PLXNA2: variants seen among roughly 807,000 people sequenced by gnomAD.
The protein encoded by PLXNA2 is plexin-A2.
Under a neutral mutation model 193.5 loss-of-function variants are expected in PLXNA2, and 91 were observed. The observed-to-expected ratio is 0.47, with a 90% CI of 0.40 to 0.56. The LOEUF is 0.56. PLXNA2 is among the 20% of genes least tolerant of loss of function. PLXNA2 has a pLI of 0.00. For synonymous variants in PLXNA2, 997 were observed against 1,027.3 expected (o/e 0.97, Z 0.56); for missense variants, 1,995 against 2,503.2 (o/e 0.80, Z 4.33).
chr1:208,198,825 G>C (rs916138463), intron 3 of PLXNA2, among the ~76,000 whole-genome samples: 5 of 152,204 alleles, frequency 3.3e-5, no homozygotes, highest in Non-Finnish European at 7.3e-5. Flanking sequence ...CACAGGTCTG[G>C]AGTCAGAGAG....
intron 1 of PLXNA2, among the ~76,000 whole-genome samples, chr1:208,218,322 C>A (rs1442782778): frequency 6.6e-6 from 1 of 152,266 alleles, no homozygotes; most frequent in South Asian, 2.1e-4. Context: ...GTTCACCCAG[C>A]CAGTCAATTT....
At chr1:208,062,372 A>G (rs1665646626) in intron 12 of PLXNA2, among the ~76,000 whole-genome samples, 1 of 152,168 alleles carries the variant, frequency 6.6e-6, no homozygotes, top group South Asian at 2.1e-4. Context: ...TGTGCTGCCA[A>G]TTCAGCCACC....
At chr1:208,098,260 G>A (rs1030636080) in intron 6 of PLXNA2, among the ~76,000 whole-genome samples, 2 of 152,136 alleles carry the variant, frequency 1.3e-5, no homozygotes, top group African/African-American at 4.8e-5. Context: ...ATTAACATTC[G>A]TGAATGCTCA....
In PLXNA2 at chr1:208,052,441, T is replaced by G; in HGVS notation, c.2879A>C (p.Asn960Thr). The stretch of plus-strand genomic sequence containing the variant: ...TCCTGACTCGGGACCTCGGATTGGG[T>G]TGAGTGACAGCACAGAAGGGTTCTT... ...TFVNPSVLSLNPIRGPESGGT... is the reference protein window; with the variant it reads ...TFVNPSVLSLTPIRGPESGGT... Residue 960 changes from asparagine (N) to threonine (T), a missense_variant, in exon 15 of 32, where the codon AAC (asparagine) becomes ACC (threonine). Physicochemically the swap from Asn to Thr is moderately conservative, Grantham distance 65. Around this residue, in one of 3 missense-constraint regions of PLXNA2, gnomAD observed 1,291 missense variants for 1,673.6 expected, o/e 0.77. Transcript: ENST00000367033. The G allele has an allele frequency of 1.2e-6, 2 of 1,614,018 alleles. No individual in the cohort carries two copies. The highest frequency in any genetic ancestry group is 1.7e-6 in the Non-Finnish European group (2 of 1,179,964).
Position 208,031,767 on chromosome 1 carries a change from AG to A in PLXNA2, c.5056-9del, listed in dbSNP as rs1664510856. The stretch of plus-strand genomic sequence containing the variant: ...AAACTTCTGCAGGGTGCCCTGGAGG[AG>A]GGGTGGGGGAGAGTAAGATGGAGGG... On this transcript the variant is annotated splice_polypyrimidine_tract_variant and intron_variant, in intron 28 of 31. Transcript: ENST00000367033. The A allele has an allele frequency of 7.7e-6, 12 of 1,567,674 alleles. No individual in the cohort carries two copies. Among genetic ancestry groups the A allele is most frequent in the Non-Finnish European group, 1.0e-5 (12 of 1,149,990 alleles).
intron 3 of PLXNA2, among the ~76,000 whole-genome samples, chr1:208,164,988 G>A (rs1275621591): frequency 6.6e-6 from 1 of 152,226 alleles, no homozygotes; most frequent in African/African-American, 2.4e-5. Flanking sequence ...CGGGAAGTCA[G>A]GGACGGAACC....
chr1:208,046,121 A>G lies in PLXNA2; in HGVS notation c.3256-4T>C, dbSNP rs1239049523. 6.2e-7 allele frequency: 1 copy of G among 1,612,472 alleles called. No homozygotes were observed. Among genetic ancestry groups the G allele is most frequent in the South Asian group, 1.1e-5 (1 of 90,986 alleles). ...TTGTGTTCACAACTTTACACACCTA[A>G]GAGATCCAGAGCGCAGCATTCACAC... On this transcript the variant is annotated splice_polypyrimidine_tract_variant and splice_region_variant and intron_variant, in intron 17 of 31. Coordinates refer to ENST00000367033, the MANE Select transcript of PLXNA2 (RefSeq NM_025179.4).
chr1:208,227,934 C>T (rs549368081), intron 1 of PLXNA2, among the ~76,000 whole-genome samples: 9 of 152,138 alleles, frequency 5.9e-5, no homozygotes, highest in Non-Finnish European at 1.3e-4. Context: ...TGCCATTAAA[C>T]ATAATGTTTT....
intron 12 of PLXNA2, among the ~76,000 whole-genome samples, chr1:208,065,738 A>G (rs955835778): frequency 3.9e-5 from 6 of 152,264 alleles, no homozygotes; most frequent in African/African-American, 1.4e-4. Flanking sequence ...TTGGGCAGGG[A>G]GTAGTGATGC....
chr1:208,092,590 C>T (rs780839158), intron 9 of PLXNA2, among the ~76,000 whole-genome samples, 196 bp downstream of exon 9: 11 of 152,226 alleles, frequency 7.2e-5, no homozygotes, highest in Admixed American at 6.5e-5. Context: ...GACATAGCCT[C>T]TGCCTCTGGG....
chr1:208,095,910 G>GGGGA (rs1463064384), intron 8 of PLXNA2, 119 bp downstream of exon 8: 1 of 762,502 alleles, frequency 1.3e-6, no homozygotes, highest in African/African-American at 1.7e-5. Context: ...CAGGCCCCAT[G>GGGGA]GGGAAACTGT....
At chr1:208,043,006 G>A (rs1205728132) in intron 21 of PLXNA2, 55 bp downstream of exon 21, 2 of 1,589,812 alleles carry the variant, frequency 1.3e-6, no homozygotes, top group African/African-American at 1.3e-5. Context: ...GATTTCCTAG[G>A]ATACCCTGGG....
Position 208,217,406 on chromosome 1 carries a change from C to A in PLXNA2, c.517G>T (p.Val173Leu), listed in dbSNP as rs1481572425. ...NKTGTMYGVI[V>L]RSEGEDGKLF... is the part of the protein sequence containing the mutation. The stretch of plus-strand genomic sequence containing the variant: ...TTGCCATCCTCACCCTCAGAGCGCA[C>A]AATCACCCCGTACATGGTGCCCGTC... The change falls in exon 2 of 32, where the codon GTG becomes TTG. Residue 173 changes from valine (V) to leucine (L), a missense_variant. Val to Leu is a conservative substitution (Grantham distance 32). This residue lies in a region of PLXNA2 where 702 missense variants were observed against 812.9 expected (regional missense o/e 0.86). Transcript: ENST00000367033. The surrounding 1 kb of genome is among the most constrained non-coding windows in gnomAD (Gnocchi z 4.7). 6.2e-7 allele frequency: 1 copy of A among 1,614,152 alleles called. No individual in the cohort carries two copies. Among genetic ancestry groups the A allele is most frequent in the South Asian group, 1.1e-5 (1 of 91,090 alleles).
At chr1:208,239,828 C>T (rs1001173572) in intron 1 of PLXNA2, among the ~76,000 whole-genome samples, 2 of 152,122 alleles carry the variant, frequency 1.3e-5, no homozygotes, top group African/African-American at 4.8e-5. Flanking sequence ...ACTGGCAGTG[C>T]GTGGGAAGAG....
chr1:208,226,359 C>G (rs1469814223), intron 1 of PLXNA2, among the ~76,000 whole-genome samples: 1 of 151,712 alleles, frequency 6.6e-6, no homozygotes, highest in African/African-American at 2.4e-5. Flanking sequence ...TTTTTTTTTC[C>G]CAGGTCTCCC....
intron 12 of PLXNA2, among the ~76,000 whole-genome samples, chr1:208,071,692 C>G (rs975023913): frequency 1.3e-5 from 2 of 152,262 alleles, no homozygotes; most frequent in African/African-American, 4.8e-5. Flanking sequence ...GTTATCTCAG[C>G]AGAGTAACTC....
intron 3 of PLXNA2, among the ~76,000 whole-genome samples, chr1:208,156,904 C>T (rs1361956743): frequency 6.6e-6 from 1 of 152,182 alleles, no homozygotes; most frequent in South Asian, 2.1e-4. Context: ...TCCCTCACAG[C>T]CTCATATACT....
chr1:208,154,493 A>AAGTGGC (rs1668877674), intron 3 of PLXNA2, among the ~76,000 whole-genome samples: 1 of 152,134 alleles, frequency 6.6e-6, no homozygotes. Flanking sequence ...CGCACCCAAA[A>AAGTGGC]AGTGGCAGTG....
At chr1:208,178,663 G>A (rs1033271898) in intron 3 of PLXNA2, among the ~76,000 whole-genome samples, 2 of 152,190 alleles carry the variant, frequency 1.3e-5, no homozygotes, top group African/African-American at 4.8e-5. Context: ...TATCGAATGA[G>A]GGACAATGTA....
Sources: gnomAD v4.1 joint callset for allele counts (sites outside exome capture counted in the v4.1 genomes callset) on GRCh38, gnomAD v4.1.1 for gene constraint, gnomAD v4.1.1 regional missense constraint, Gnocchi (gnomAD v3.1) non-coding constraint, MANE v1.5 for transcripts, NCBI Gene and HGNC (gene_info 2026-07-23, HGNC 2026-07-21) for gene names.